The following DBX1 variants were observed in gnomAD, a reference collection of about 807,000 sequenced individuals.
The protein encoded by DBX1 is homeobox protein DBX1.
Under a neutral mutation model 20.8 loss-of-function variants are expected in DBX1, and 10 were observed. The observed-to-expected ratio is 0.48, with a 90% CI of 0.30 to 0.82. The LOEUF (loss-of-function observed/expected upper bound fraction) is 0.82, where lower values mean the gene tolerates loss of function less well. DBX1 is among the 40% of genes least tolerant of loss of function. The pLI, the probability that DBX1 is intolerant of heterozygous loss-of-function variation, is 0.07. For synonymous variants in DBX1, 241 were observed against 213.9 expected (o/e 1.13, Z -1.11); for missense variants, 505 against 468.8 (o/e 1.08, Z -0.71).
At chr11:20,157,772 G>T (rs754443813) in intron 2 of DBX1, among the ~76,000 whole-genome samples, 1 of 151,880 alleles carries the variant, frequency 6.6e-6, no homozygotes, top group Middle Eastern at 3.2e-3. Flanking sequence ...CCTCCCCCAC[G>T]AAACGTAAAG....
intron 2 of DBX1, 133 bp downstream of exon 2, chr11:20,159,058 A>G (rs10741822): frequency 0.93 from 602,056 of 648,452 alleles, 279,761 homozygotes; most frequent in Middle Eastern, 0.98. Flanking sequence ...CATGAATGTT[A>G]TACGCCTCGC....
At position 20,160,324 on chromosome 11, in the gene DBX1, TG is replaced by T. The variant is rs1332310312; in HGVS notation, c.-1del. On this transcript the variant is annotated 5_prime_UTR_variant, in exon 1 of 4. Transcript: ENST00000524983. ...GGCGCGAGGAGGCCGGGGAACATCA[TG>T]GTAGGCGCGGGCGGGCGAAATAACC... The T allele has an allele frequency of 6.6e-7, 1 of 1,506,720 alleles. No homozygotes were observed. The highest frequency in any genetic ancestry group is 8.9e-7 in the Non-Finnish European group (1 of 1,129,934). The allele number at this position is 1,506,720 out of a possible 1,614,324, so 93.3% of individuals were successfully genotyped here.
At chr11:20,158,106 T>C (rs1848620760) in intron 2 of DBX1, among the ~76,000 whole-genome samples, 1 of 151,486 alleles carries the variant, frequency 6.6e-6, no homozygotes, top group Non-Finnish European at 1.5e-5. Flanking sequence ...TTTCATTAAA[T>C]GGACATGAAA....
chr11:20,157,740 T>A (rs1217098047), intron 2 of DBX1, among the ~76,000 whole-genome samples: 1 of 152,176 alleles, frequency 6.6e-6, no homozygotes, highest in African/African-American at 2.4e-5. Flanking sequence ...GTATTCATCT[T>A]TTTTATATTA....
rs2153737764 is a variant in DBX1 at position 20,156,601 on chromosome 11, G to A, written c.673-28C>T. On this transcript the variant is annotated intron_variant, in intron 3 of 3. Transcript: ENST00000524983. The surrounding 1 kb of genome is among the most constrained non-coding windows in gnomAD (Gnocchi z 4.8). ...GGAATGTCCCGGCCGGCGAGAAGAA[G>A]GGAGAAGCAGAGGTCAGATCAGGGG... 2 of 1,613,880 alleles carry A rather than the reference G, an allele frequency of 1.2e-6. No individual in the cohort carries two copies. Among genetic ancestry groups the A allele is most frequent in the Non-Finnish European group, 1.7e-6 (2 of 1,180,010 alleles).
Position 20,160,376 on chromosome 11 carries a change from C to T in DBX1, c.-52G>A, listed in dbSNP as rs2063684259. ...CTTCTTTCAGTGGCCGGAGGGTAAA[C>T]GCCTCGCTTCCCGCCCCTCCCGCCC... is the stretch of plus-strand genomic sequence containing the variant. On this transcript the variant is annotated 5_prime_UTR_variant, in exon 1 of 4. Coordinates refer to ENST00000524983, the MANE Select transcript of DBX1 (RefSeq NM_001029865.4). 16 of 1,455,120 alleles carry T rather than the reference C, an allele frequency of 1.1e-5. No homozygotes were observed. Among genetic ancestry groups the T allele is most frequent in the Non-Finnish European group, 1.4e-5 (15 of 1,106,306 alleles). The allele number at this position is 1,455,120 out of a possible 1,614,324, so 90.1% of individuals were successfully genotyped here. A position where few individuals can be genotyped will look rare whatever the true frequency, so the allele number is the denominator to read the frequency against.
Position 20,156,268 on chromosome 11 carries a change from T to A in DBX1, c.978A>T (p.Ser326=). 5 of 1,523,132 alleles carry A rather than the reference T, an allele frequency of 3.3e-6. No homozygotes were observed. The highest frequency in any genetic ancestry group is 4.4e-6 in the Non-Finnish European group (5 of 1,137,848). The allele number at this position is 1,523,132 out of a possible 1,614,324, so 94.4% of individuals were successfully genotyped here. Residue 326 remains serine, a synonymous_variant, in exon 4 of 4, where the codon TCA becomes TCT. Coordinates refer to ENST00000524983, the MANE Select transcript of DBX1 (RefSeq NM_001029865.4). The surrounding 1 kb of genome is among the most constrained non-coding windows in gnomAD (Gnocchi z 4.8). ...CGCCCTCCTCTTCCTCCTCGGAATC[T>A]GAGAAGTCCGAAGGTTTCCCGGGAC... ...SSSPGKPSDF[S]DSEEEEEGEE... is the part of the protein sequence containing the mutation.
chr11:20,159,903 G>T (rs2153737955), intron 1 of DBX1, 55 bp downstream of exon 1: 1 of 1,612,818 alleles, frequency 6.2e-7, no homozygotes, highest in Non-Finnish European at 8.5e-7. Flanking sequence ...AGGCCAGGAT[G>T]ACTCCGCGCA....
At position 20,160,246 on chromosome 11, in the gene DBX1, G is replaced by C. The variant is rs1047396547; in HGVS notation, c.79C>G (p.Gln27Glu). Reference sequence around the variant, plus strand: ...CCGGAAAATGCCGACTGCAAGGACTGGGGCAGCGTCAAGGTGGGCGTGGGC... The same window carrying C: ...CCGGAAAATGCCGACTGCAAGGACTCGGGCAGCGTCAAGGTGGGCGTGGGC... ...LRPTPTLTLP[Q>E]SLQSAFSGHS... The change falls in exon 1 of 4, where the codon CAG becomes GAG. Residue 27 changes from glutamine (Q) to glutamate (E), a missense_variant. Coordinates refer to ENST00000524983, the MANE Select transcript of DBX1 (RefSeq NM_001029865.4). 1.9e-6 allele frequency: 3 copies of C among 1,544,408 alleles called. No individual in the cohort carries two copies. The African/African-American group carries it at 4.1e-5, about 21-fold the overall frequency.
In DBX1 at chr11:20,156,171, T is replaced by C. The variant is rs755956135; in HGVS notation, c.*43A>G. On this transcript the variant is annotated 3_prime_UTR_variant, in exon 4 of 4. Transcript: ENST00000524983. The surrounding 1 kb of genome is among the most constrained non-coding windows in gnomAD (Gnocchi z 4.8). ...CGCAGACTGGACCCCACCTCTTCGA[T>C]TTCAAAGCACTTAAAAATAGTACTC... is the stretch of plus-strand genomic sequence containing the variant. 1.3e-6 allele frequency: 2 copies of C among 1,509,514 alleles called. No individual in the cohort carries two copies. The highest frequency in any genetic ancestry group is 8.9e-7 in the Non-Finnish European group (1 of 1,129,336). 93.5% of individuals were successfully genotyped at this position (1,509,514 alleles called of 1,614,324 possible). A position where few individuals can be genotyped will look rare whatever the true frequency, so the allele number is the denominator to read the frequency against.
chr11:20,159,434 A>G (rs2063676717), intron 1 of DBX1, 142 bp from the exon 2 acceptor site: 8 of 627,430 alleles, frequency 1.3e-5, no homozygotes, highest in Non-Finnish European at 5.8e-6. Context: ...TTATACGTTG[A>G]CAGGGTAAAA....
At chr11:20,158,630 G>T (rs2063672672) in intron 2 of DBX1, among the ~76,000 whole-genome samples, 1 of 152,118 alleles carries the variant, frequency 6.6e-6, no homozygotes, top group Admixed American at 6.5e-5. Context: ...GGTTGGGATT[G>T]GGGGAGGATC....
intron 3 of DBX1, 24 bp downstream of exon 3, chr11:20,157,013 G>C (rs746180083): frequency 6.3e-7 from 1 of 1,594,756 alleles, no homozygotes; most frequent in Non-Finnish European, 8.6e-7. Context: ...GGCGGGGGGG[G>C]TGCTGTGGAG....
chr11:20,159,251 A>G lies in DBX1; in HGVS notation c.409T>C (p.Phe137Leu). 6.2e-7 allele frequency: 1 copy of G among 1,613,684 alleles called. No homozygotes were observed. Among genetic ancestry groups the G allele is most frequent in the South Asian group, 1.1e-5 (1 of 91,034 alleles). The change falls in exon 2 of 4, where the codon TTC becomes CTC. Residue 137 changes from phenylalanine (F) to leucine (L), a missense_variant. Physicochemically the swap from Phe to Leu is conservative, Grantham distance 22 (BLOSUM62 0). Transcript: ENST00000524983. The part of the protein sequence containing the change: ...ALLQSVPPKT[F>L]AFPYFEGSFQ... ...GACCCTTCGAAGTAGGGAAAGGCGAAGGTCTTGGGAGGGACGCTCTGGAGC... is the reference window on the plus strand; with the variant it reads ...GACCCTTCGAAGTAGGGAAAGGCGAGGGTCTTGGGAGGGACGCTCTGGAGC...
At chr11:20,159,314 A>G in intron 1 of DBX1, 22 bp from the exon 2 acceptor site, 1 of 1,500,940 alleles carries the variant, frequency 6.7e-7, no homozygotes, top group Non-Finnish European at 9.3e-7. Context: ...TGGAGGGGGG[A>G]CAGAAGGAGA....
At position 20,160,171 on chromosome 11, in the gene DBX1, C is replaced by G. The variant is rs1565143567; in HGVS notation, c.154G>C (p.Ala52Pro). 2 of 1,547,666 alleles carry G rather than the reference C, an allele frequency of 1.3e-6. No homozygotes were observed. Among genetic ancestry groups the G allele is most frequent in the African/African-American group, 1.4e-5 (1 of 72,904 alleles). Residue 52 changes from alanine to proline, a missense_variant, in exon 1 of 4, where the codon GCC (alanine) becomes CCC (proline). Coordinates refer to ENST00000524983, the MANE Select transcript of DBX1 (RefSeq NM_001029865.4). Reference protein sequence around the residue: ...EDLIRISRPPAYLPRSVPTAS... With the variant: ...EDLIRISRPPPYLPRSVPTAS... ...GTGGGCACGCTGCGGGGCAGGTAGG[C>G]GGGGGGTCGGCTGATGCGGATCAGA...
intron 1 of DBX1, 88 bp downstream of exon 1, chr11:20,159,870 G>T: frequency 6.3e-7 from 1 of 1,581,070 alleles, no homozygotes; most frequent in Non-Finnish European, 8.7e-7. Flanking sequence ...TGTGTGTGGG[G>T]GCCCGCTCGC....
At chr11:20,159,135 T>C (rs1187325955) in intron 2 of DBX1, 56 bp downstream of exon 2, 1 of 1,257,970 alleles carries the variant, frequency 7.9e-7, no homozygotes, top group Non-Finnish European at 1.2e-6. Flanking sequence ...CAGGGAGCGA[T>C]GGGCCGGGGC....
Position 20,160,211 on chromosome 11 carries a change from G to C in DBX1, c.114C>G (p.Ser38Arg). 1 of 1,547,400 alleles carries C rather than the reference G, an allele frequency of 6.5e-7. No homozygotes were observed. The highest frequency in any genetic ancestry group is 8.7e-7 in the Non-Finnish European group (1 of 1,146,644). Residue 38 changes from serine (S) to arginine (R), a missense_variant, in exon 1 of 4, where the codon AGC (serine) becomes AGG (arginine). Coordinates refer to ENST00000524983, the MANE Select transcript of DBX1 (RefSeq NM_001029865.4). Reference protein sequence around the residue: ...SLQSAFSGHSSFLVEDLIRIS... With the variant: ...SLQSAFSGHSRFLVEDLIRIS... The stretch of plus-strand genomic sequence containing the variant: ...TGCGGATCAGATCCTCCACCAGGAA[G>C]CTGGAGTGGCCGGAAAATGCCGACT...
Sources: gnomAD v4.1 joint callset for allele counts (sites outside exome capture counted in the v4.1 genomes callset) on GRCh38, gnomAD v4.1.1 for gene constraint, Gnocchi (gnomAD v3.1) non-coding constraint, MANE v1.5 for transcripts, NCBI Gene and HGNC (gene_info 2026-07-23, HGNC 2026-07-21) for gene names.